ADK: variants seen among roughly 807,000 people sequenced by gnomAD.
ADK encodes the protein adenosine kinase, also known as N6,N6-dimethyladenosine kinase.
A neutral mutation model predicts 44.7 loss-of-function variants in ADK; 24 were observed. That is an observed-to-expected ratio of 0.54 (90% CI 0.39 to 0.76). The LOEUF (loss-of-function observed/expected upper bound fraction) is 0.76. Ranked by LOEUF, ADK falls within the 30% of genes least tolerant of loss-of-function variation. The pLI is 0.00. For missense variants in ADK, 321 were observed against 425.1 expected, an observed-to-expected ratio of 0.76 and a Z score of 2.15; for synonymous variants, 128 against 142.6, an observed-to-expected ratio of 0.90 and a Z score of 0.73.
At chr10:74,497,102 G>A (rs896230905) in intron 6 of ADK, among the ~76,000 whole-genome samples, 6 of 152,078 alleles carry the variant, frequency 3.9e-5, no homozygotes, top group Admixed American at 1.3e-4. Flanking sequence ...GACTACGGGC[G>A]CCACCTTGCC....
intron 1 of ADK, among the ~76,000 whole-genome samples, chr10:74,159,522 T>C (rs1336606373): frequency 6.6e-6 from 1 of 152,232 alleles, no homozygotes; most frequent in Non-Finnish European, 1.5e-5. Context: ...TAGGCTAGAC[T>C]TTGGTTCATA....
chr10:74,471,075 CT>C (rs111981819), intron 6 of ADK, among the ~76,000 whole-genome samples: 13,786 of 143,868 alleles, frequency 0.096, 1,694 homozygotes, highest in African/African-American at 0.33. Flanking sequence ...TATACTTTTT[CT>C]TTTTTTTTTT....
chr10:74,322,804 ATC>A (rs1840862265), intron 4 of ADK, among the ~76,000 whole-genome samples: 1 of 136,996 alleles, frequency 7.3e-6, no homozygotes, highest in African/African-American at 2.8e-5. Flanking sequence ...CCTTCCTCAC[ATC>A]TCTTTCCCTT....
At chr10:74,233,998 A>G (rs866609427) in intron 3 of ADK, among the ~76,000 whole-genome samples, 18 of 152,216 alleles carry the variant, frequency 1.2e-4, no homozygotes, top group African/African-American at 4.1e-4. Context: ...CAGAATGGAG[A>G]GAGAAACTGC....
chr10:74,547,606 C>T (rs1849883181), intron 7 of ADK, among the ~76,000 whole-genome samples: 1 of 151,196 alleles, frequency 6.6e-6, no homozygotes, highest in African/African-American at 2.4e-5. Flanking sequence ...CTCAGCCTCC[C>T]AAGTAGCTGG....
intron 3 of ADK, among the ~76,000 whole-genome samples, chr10:74,257,601 T>A (rs999404505): frequency 6.6e-6 from 1 of 152,174 alleles, no homozygotes; most frequent in African/African-American, 2.4e-5. Flanking sequence ...GATACTTTAG[T>A]CTTTCTATAT....
At chr10:74,340,272 ACT>A (rs1449943192) in intron 4 of ADK, among the ~76,000 whole-genome samples, 2 of 152,070 alleles carry the variant, frequency 1.3e-5, no homozygotes, top group Non-Finnish European at 2.9e-5. Context: ...AATCTAAAGT[ACT>A]GTGTTTATTG....
chr10:74,213,563 G>T (rs1843905724), intron 2 of ADK, among the ~76,000 whole-genome samples: 1 of 152,038 alleles, frequency 6.6e-6, no homozygotes, highest in Non-Finnish European at 1.5e-5. Context: ...GGAGTGGGCT[G>T]GAAGCTAGAA....
At chr10:74,702,662 G>A (rs1856477240) in intron 10 of ADK, among the ~76,000 whole-genome samples, 1 of 150,608 alleles carries the variant, frequency 6.6e-6, no homozygotes. Context: ...GCAGTGACAT[G>A]ATCTCGGCTC....
At chr10:74,527,887 G>A in intron 7 of ADK, 2 of 842,232 alleles carry the variant, frequency 2.4e-6, no homozygotes, top group South Asian at 2.7e-5. Context: ...TACAGGAAAA[G>A]GCAAGAGAAG....
At chr10:74,182,268 TG>T (rs1157350192) in intron 1 of ADK, among the ~76,000 whole-genome samples, 1 of 152,144 alleles carries the variant, frequency 6.6e-6, no homozygotes, top group African/African-American at 2.4e-5. Flanking sequence ...TGCTGTGGGA[TG>T]TTTTTAGAGA....
intron 8 of ADK, among the ~76,000 whole-genome samples, chr10:74,596,607 G>A (rs1404777829): frequency 2.0e-5 from 3 of 151,528 alleles, no homozygotes; most frequent in Non-Finnish European, 4.4e-5. Context: ...GTGCAGTGGC[G>A]TGATCTCAGC....
At chr10:74,472,074 A>G (rs1180836261) in intron 6 of ADK, among the ~76,000 whole-genome samples, 1 of 152,002 alleles carries the variant, frequency 6.6e-6, no homozygotes, top group African/African-American at 2.4e-5. Flanking sequence ...GCCTGGTGGT[A>G]TGCTCCTGTA....
chr10:74,631,538 G>A (rs1395061026), intron 9 of ADK, among the ~76,000 whole-genome samples: 4 of 151,580 alleles, frequency 2.6e-5, no homozygotes, highest in Non-Finnish European at 4.4e-5. Context: ...GATTACAGAC[G>A]TGAGCCACTG....
chr10:74,317,413 A>G (rs867066560), intron 4 of ADK, among the ~76,000 whole-genome samples: 16 of 152,244 alleles, frequency 1.1e-4, no homozygotes, highest in Middle Eastern at 6.8e-3. Context: ...GAAGCACTTA[A>G]TGTGAGTTTT....
intron 4 of ADK, among the ~76,000 whole-genome samples, chr10:74,324,530 T>C (rs757158858): frequency 3.3e-5 from 5 of 152,250 alleles, no homozygotes; most frequent in Non-Finnish European, 7.3e-5. Flanking sequence ...GGATTATTTC[T>C]GTTAACAAGT....
At chr10:74,324,932 A>G (rs780964471) in intron 4 of ADK, among the ~76,000 whole-genome samples, 40 of 152,192 alleles carry the variant, frequency 2.6e-4, no homozygotes, top group Non-Finnish European at 4.9e-4. Context: ...GTCAGATAGC[A>G]TGATGTGTCT....
At chr10:74,317,245 C>T (rs1840654349) in intron 4 of ADK, among the ~76,000 whole-genome samples, 1 of 152,168 alleles carries the variant, frequency 6.6e-6, no homozygotes, top group Non-Finnish European at 1.5e-5. Flanking sequence ...TTGGTCTGAA[C>T]TTCTTCCTAA....
chr10:74,196,520 C>T (rs760103880), intron 1 of ADK, among the ~76,000 whole-genome samples: 3 of 152,050 alleles, frequency 2.0e-5, no homozygotes, highest in Non-Finnish European at 4.4e-5. Context: ...AGCCTGGTGA[C>T]AGAGCGAGAT....
Sources: allele counts gnomAD v4.1 joint callset (sites outside exome capture counted in the v4.1 genomes callset), GRCh38; gene constraint gnomAD v4.1.1; transcripts MANE v1.5; gene names NCBI Gene and HGNC (gene_info 2026-07-23, HGNC 2026-07-21).